Variants in STS observed in about 807,000 individuals in gnomAD.
STS encodes steroid sulfatase.
Under a neutral mutation model 26.8 loss-of-function variants are expected in STS, and 7 were observed. The observed-to-expected ratio is 0.26, with a 90% CI of 0.15 to 0.49. The LOEUF (loss-of-function observed/expected upper bound fraction) is 0.49, where lower values mean the gene tolerates loss of function less well. Ranked by LOEUF, STS falls within the 20% of genes least tolerant of loss-of-function variation. STS has a pLI of 0.98. For synonymous variants in STS, 199 were observed against 189.4 expected (o/e 1.05, Z -0.42); for missense variants, 434 against 465.6 (o/e 0.93, Z 0.63).
rs776997967 is a variant in STS, at chrX:7,337,362, G to C, written c.1363+3255G>C. Among the ~76,000 whole-genome samples, 10 of 112,149 alleles carry C rather than the reference G, an allele frequency of 8.9e-5. No homozygotes were observed. In the East Asian group the frequency reaches 2.5e-3, roughly 28 times the overall value. ...TTTAGAGCATGAGGCACTGCTAGCT[G>C]TACAATGTGCTGGGAATACAGGGAT... On this transcript the variant is annotated intron_variant, in intron 10 of 10. Transcript: ENST00000674429.
At chrX:7,252,120 G>A (rs1324886703) in intron 2 of STS, 6 of 143,165 alleles carry the variant, frequency 4.2e-5, no homozygotes, top group African/African-American at 1.3e-4. Context: ...ATTTCTCCCC[G>A]GGCCAGTGAG....
rs748041421 is a variant in STS, at chrX:7,275,929, CTTTTTTT to C, written c.807-11_807-5del. On this transcript the variant is annotated splice_polypyrimidine_tract_variant and intron_variant, in intron 6 of 10. Coordinates refer to ENST00000674429, the MANE Select transcript of STS (RefSeq NM_001320752.2). ...TTATCTGTGGTCTTTTTTTTCCTCC[CTTTTTTT>C]TTTTTTTTTTGCAGGAACACTGAGA... is the stretch of plus-strand genomic sequence containing the variant. 9.3e-7 allele frequency: 1 copy of C among 1,077,939 alleles called. No homozygotes were observed. The highest frequency in any genetic ancestry group is 1.2e-6 in the Non-Finnish European group (1 of 817,581). 88.8% of individuals were successfully genotyped at this position (1,077,939 alleles called of 1,213,427 possible). A position where few individuals can be genotyped will look rare whatever the true frequency, so the allele number is the denominator to read the frequency against.
At chrX:7,323,841 A>G (rs1451756789) in intron 8 of STS, among the ~76,000 whole-genome samples, 1 of 111,478 alleles carries the variant, frequency 9.0e-6, no homozygotes, top group Non-Finnish European at 1.9e-5. Context: ...GCCTGCCTGC[A>G]TTCCTGGGCT....
intron 8 of STS, among the ~76,000 whole-genome samples, chrX:7,320,522 C>G (rs1175973949): frequency 1.8e-5 from 2 of 111,261 alleles, no homozygotes; most frequent in Non-Finnish European, 3.8e-5. Flanking sequence ...TGAAATCAGC[C>G]CTTTTTTGTT....
At chrX:7,228,241 A>G (rs1229498378) in intron 2 of STS, among the ~76,000 whole-genome samples, 1 of 111,793 alleles carries the variant, frequency 8.9e-6, no homozygotes, top group African/African-American at 3.3e-5. Context: ...GTATATTTCC[A>G]GGAGTGGGGT....
At chrX:7,194,345 C>A (rs1933932074) in intron 2 of STS, among the ~76,000 whole-genome samples, 1 of 111,357 alleles carries the variant, frequency 9.0e-6, no homozygotes, top group South Asian at 3.7e-4. Context: ...ACATACCAGT[C>A]TTAGGTTTTA....
chrX:7,320,014 T>G lies in STS; in HGVS notation c.1082-5325T>G, dbSNP rs867824337. On this transcript the variant is annotated intron_variant, in intron 8 of 10. Coordinates refer to ENST00000674429, the MANE Select transcript of STS (RefSeq NM_001320752.2). ...TATATATATATTTTTATATATATAT[T>G]TATATATATTTATATATATATTTAT... Among the ~76,000 whole-genome samples, 7 of 87,752 alleles carry G rather than the reference T, an allele frequency of 8.0e-5. No individual in the cohort carries two copies. The Admixed American group carries it at 9.6e-4, about 12-fold the overall frequency. The allele number at this position is 87,752 out of a possible 115,157, so 76.2% of individuals were successfully genotyped here.
At chrX:7,308,786 C>T (rs778285331) in intron 8 of STS, among the ~76,000 whole-genome samples, 2 of 111,623 alleles carry the variant, frequency 1.8e-5, no homozygotes, top group Non-Finnish European at 3.8e-5. Context: ...AAATACAATG[C>T]CCTAAAAGGA....
intron 2 of STS, among the ~76,000 whole-genome samples, chrX:7,242,109 C>G (rs759758075): frequency 1.0e-3 from 114 of 110,905 alleles, no homozygotes; most frequent in African/African-American, 3.4e-3. Context: ...TTTTCCATAT[C>G]CTACTCATTG....
intron 2 of STS, among the ~76,000 whole-genome samples, chrX:7,239,881 C>CT (rs71893716): frequency 1.8e-3 from 136 of 74,863 alleles, no homozygotes; most frequent in South Asian, 8.4e-3. Context: ...TTCTAAGTGG[C>CT]TTTTTTTTTT....
chrX:7,164,219 T>G (rs1249731361), intron 1 of STS, among the ~76,000 whole-genome samples: 1 of 111,861 alleles, frequency 8.9e-6, no homozygotes, highest in African/African-American at 3.2e-5. Flanking sequence ...CATTACCTTA[T>G]AAAACCCAAA....
intron 8 of STS, among the ~76,000 whole-genome samples, chrX:7,314,307 T>G (rs1407603227): frequency 9.0e-6 from 1 of 111,056 alleles, no homozygotes; most frequent in Non-Finnish European, 1.9e-5. Flanking sequence ...CAGTGAGACT[T>G]GATTGCACCA....
chrX:7,178,278 T>G (rs909869225), intron 1 of STS, among the ~76,000 whole-genome samples: 2 of 112,460 alleles, frequency 1.8e-5, no homozygotes, highest in African/African-American at 3.2e-5. Context: ...TTCCCTTGAT[T>G]GTTCGATTGC....
intron 8 of STS, among the ~76,000 whole-genome samples, chrX:7,318,234 C>CT (rs1373372125): frequency 1.8e-5 from 2 of 111,846 alleles, no homozygotes; most frequent in Non-Finnish European, 3.8e-5. Context: ...TGTCCACCCT[C>CT]TGAGTTCCTC....
intron 2 of STS, among the ~76,000 whole-genome samples, chrX:7,216,068 G>A (rs1266441391): frequency 8.9e-6 from 1 of 111,820 alleles, no homozygotes; most frequent in Non-Finnish European, 1.9e-5. Flanking sequence ...CAAACATATT[G>A]GAATGTGTTG....
intron 8 of STS, among the ~76,000 whole-genome samples, chrX:7,324,510 A>G (rs1024346078): frequency 4.5e-5 from 5 of 111,880 alleles, no homozygotes; most frequent in African/African-American, 9.8e-5. Flanking sequence ...CTATTTTGAA[A>G]TATGTCAAAT....
chrX:7,342,688 A>G (rs751948428), intron 10 of STS, among the ~76,000 whole-genome samples: 16 of 112,452 alleles, frequency 1.4e-4, no homozygotes, highest in African/African-American at 4.8e-4. Context: ...AGGGCTGAAT[A>G]GTTAGGGGGT....
intron 2 of STS, among the ~76,000 whole-genome samples, chrX:7,207,020 G>C (rs1211527655): frequency 9.0e-6 from 1 of 111,310 alleles, no homozygotes; most frequent in African/African-American, 3.3e-5. Flanking sequence ...GACCAGCCTA[G>C]GGAACATGGT....
chrX:7,234,837 G>T (rs2147062973), intron 2 of STS, among the ~76,000 whole-genome samples: 1 of 112,024 alleles, frequency 8.9e-6, no homozygotes, highest in East Asian at 2.8e-4. Context: ...TATGTTTCTA[G>T]ACGTGTTTTT....
Sources: gnomAD v4.1 joint callset for allele counts (sites outside exome capture counted in the v4.1 genomes callset) on GRCh38, gnomAD v4.1.1 for gene constraint, MANE v1.5 for transcripts, NCBI Gene and HGNC (gene_info 2026-07-23, HGNC 2026-07-21) for gene names.